The following SEC22C variants were observed in gnomAD, a reference collection of about 807,000 sequenced individuals.
SEC22C encodes vesicle-trafficking protein SEC22c.
In SEC22C, 29 loss-of-function variants were observed where a neutral mutation model predicts 34.7. The observed-to-expected ratio is 0.84, with a 90% confidence interval of 0.62 to 1.14. The LOEUF is 1.14. SEC22C is among the 50% of genes most tolerant of loss of function. The probability of loss-of-function intolerance (pLI) is 0.00; values close to 1 mark genes in which losing one functional copy is unlikely to be tolerated. For missense variants in SEC22C, 337 were observed against 369.0 expected, an observed-to-expected ratio of 0.91 and a Z score of 0.71; for synonymous variants, 117 against 132.8, an observed-to-expected ratio of 0.88 and a Z score of 0.82.
chr3:42,589,270 A>G (rs547074104), intron 1 of SEC22C, among the ~76,000 whole-genome samples: 2 of 151,392 alleles, frequency 1.3e-5, no homozygotes, highest in East Asian at 3.9e-4. Flanking sequence ...CTCTGTCTCA[A>G]AAAAAAAAGA....
chr3:42,591,189 A>T (rs1181998864), intron 1 of SEC22C: 8 of 572,296 alleles, frequency 1.4e-5, no homozygotes, highest in Non-Finnish European at 2.4e-5. Flanking sequence ...CACTGCACTA[A>T]CCCTTTCTCT....
At chr3:42,562,154 C>G (rs1376779483) in intron 3 of SEC22C, among the ~76,000 whole-genome samples, 1 of 152,170 alleles carries the variant, frequency 6.6e-6, no homozygotes, top group African/African-American at 2.4e-5. Flanking sequence ...ACTGGCAAAG[C>G]AAAATCTGTA....
Position 42,568,918 on chromosome 3 carries a change from T to C in SEC22C, c.129A>G (p.Arg43=). 4 of 1,614,214 alleles carry C rather than the reference T, an allele frequency of 2.5e-6. No individual in the cohort carries two copies. Among genetic ancestry groups the C allele is most frequent in the Non-Finnish European group, 3.4e-6 (4 of 1,180,038 alleles). The change falls in exon 2 of 7, where the codon CGA becomes CGG. Residue 43 remains arginine, a synonymous_variant. Transcript: ENST00000264454. ...WRRRLKSLAL[R]LAQYPGRGSA... The stretch of plus-strand genomic sequence containing the variant: ...AACCTCGACCTGGATACTGGGCCAG[T>C]CGCAAGGCTAAACTCTTGAGCCGTC...
At chr3:42,563,955 G>A in intron 2 of SEC22C, 1 of 1,343,876 alleles carries the variant, frequency 7.4e-7, no homozygotes, top group Non-Finnish European at 9.8e-7. Context: ...TTCTATTGGG[G>A]GAATTAGCCT....
At chr3:42,554,564 T>C (rs965370994) in intron 6 of SEC22C, among the ~76,000 whole-genome samples, 4 of 152,042 alleles carry the variant, frequency 2.6e-5, no homozygotes, top group Non-Finnish European at 5.9e-5. Context: ...GGTCTTGAAC[T>C]CCTGGCCTCA....
chr3:42,555,842 T>C (rs1166794771), intron 6 of SEC22C, 88 bp downstream of exon 6: 16 of 1,116,798 alleles, frequency 1.4e-5, no homozygotes, highest in Middle Eastern at 2.0e-4. Flanking sequence ...GGAACAAAAA[T>C]CACATCTAGA....
chr3:42,551,876 A>G lies in SEC22C; in HGVS notation c.*1372T>C. ...ACTCTTGTAATGGTTTTCCACTTTTAAAAACTATCAAAATAGGATTTTTAA... is the reference window on the plus strand; with the variant it reads ...ACTCTTGTAATGGTTTTCCACTTTTGAAAACTATCAAAATAGGATTTTTAA... On this transcript the variant is annotated 3_prime_UTR_variant, in exon 7 of 7. Transcript: ENST00000264454. 1.0e-6 allele frequency: 1 copy of G among 984,036 alleles called. No homozygotes were observed. The highest frequency in any genetic ancestry group is 1.2e-6 in the Non-Finnish European group (1 of 828,656). 61.0% of individuals were successfully genotyped at this position (984,036 alleles called of 1,614,324 possible).
At chr3:42,590,767 G>A in intron 1 of SEC22C, 2 of 935,358 alleles carry the variant, frequency 2.1e-6, no homozygotes. Context: ...GCTCTTGCGC[G>A]TCCAGTCACA....
chr3:42,569,473 G>A (rs189188569), intron 1 of SEC22C, among the ~76,000 whole-genome samples: 16 of 152,310 alleles, frequency 1.1e-4, no homozygotes, highest in Admixed American at 6.5e-4. Context: ...CTGAAGCAGC[G>A]AGGATTGATG....
intron 1 of SEC22C, chr3:42,594,395 G>C: frequency 6.3e-7 from 1 of 1,588,530 alleles, no homozygotes; most frequent in African/African-American, 1.3e-5. Flanking sequence ...ACAAGCCTCT[G>C]ATTTTTGCCT....
intron 1 of SEC22C, among the ~76,000 whole-genome samples, chr3:42,576,357 C>A (rs988325273): frequency 7.9e-5 from 12 of 151,818 alleles, no homozygotes; most frequent in Non-Finnish European, 1.5e-4. Context: ...GGATAGAAAT[C>A]AATGAAATGG....
chr3:42,552,090 T>C lies in SEC22C; in HGVS notation c.*1158A>G, dbSNP rs1261194530. 4.1e-6 allele frequency: 4 copies of C among 985,312 alleles called. No homozygotes were observed. The African/African-American group carries it at 5.2e-5, about 13-fold the overall frequency. 61.0% of individuals were successfully genotyped at this position (985,312 alleles called of 1,614,324 possible). A position where few individuals can be genotyped will look rare whatever the true frequency, so the allele number is the denominator to read the frequency against. ...ACCTAAGGGATCTTATCCAGAACCA[T>C]ATTTTGGAAAACTGTGATCAATCAA... On this transcript the variant is annotated 3_prime_UTR_variant, in exon 7 of 7. Transcript: ENST00000264454.
At chr3:42,574,615 A>G (rs1703849034) in intron 1 of SEC22C, among the ~76,000 whole-genome samples, 1 of 152,194 alleles carries the variant, frequency 6.6e-6, no homozygotes, top group African/African-American at 2.4e-5. Context: ...GTGGTTCTCA[A>G]CATACGTAAA....
At chr3:42,593,284 G>A (rs1704916616) in intron 1 of SEC22C, among the ~76,000 whole-genome samples, 1 of 152,128 alleles carries the variant, frequency 6.6e-6, no homozygotes, top group Admixed American at 6.5e-5. Flanking sequence ...GCCAGGCGTG[G>A]TGTGTGCCTG....
chr3:42,580,552 G>T (rs970116010), intron 1 of SEC22C: 7 of 152,178 alleles, frequency 4.6e-5, no homozygotes, highest in African/African-American at 1.7e-4. Flanking sequence ...TTCGTCATTT[G>T]TTAGGAACTA....
intron 1 of SEC22C, chr3:42,580,519 T>TG (rs2125729009): frequency 6.6e-6 from 1 of 152,078 alleles, no homozygotes; most frequent in East Asian, 1.9e-4. Context: ...GGGGATGGAG[T>TG]GAAGAGGAGG....
At chr3:42,562,386 A>T (rs1702977376) in intron 3 of SEC22C, among the ~76,000 whole-genome samples, 1 of 152,218 alleles carries the variant, frequency 6.6e-6, no homozygotes, top group Non-Finnish European at 1.5e-5. Context: ...AGCCCTCTTC[A>T]GAGAAAGAAG....
At chr3:42,562,751 C>T (rs1333529697) in intron 3 of SEC22C, among the ~76,000 whole-genome samples, 1 of 152,202 alleles carries the variant, frequency 6.6e-6, no homozygotes, top group Non-Finnish European at 1.5e-5. Context: ...ATGACCCACA[C>T]CTGACCAAAA....
chr3:42,558,145 T>A (rs1008935704), intron 4 of SEC22C, among the ~76,000 whole-genome samples: 2 of 152,084 alleles, frequency 1.3e-5, no homozygotes, highest in Non-Finnish European at 2.9e-5. Context: ...GCCTCCAAAA[T>A]AAAGAATTAT....
Sources: gnomAD v4.1 joint callset for allele counts (sites outside exome capture counted in the v4.1 genomes callset) on GRCh38, gnomAD v4.1.1 for gene constraint, MANE v1.5 for transcripts, NCBI Gene and HGNC (gene_info 2026-07-23, HGNC 2026-07-21) for gene names.